Variants in DCC observed in about 807,000 individuals in gnomAD.
The protein encoded by DCC is netrin receptor DCC.
In DCC, 58 loss-of-function variants were observed where a neutral mutation model predicts 172.5. The observed-to-expected ratio is 0.34, with a 90% CI of 0.27 to 0.42. DCC has a LOEUF of 0.42. Ranked by LOEUF, DCC falls within the 10% of genes least tolerant of loss-of-function variation. DCC has a pLI of 1.00. For missense variants in DCC, 1,740 were observed against 1,791.0 expected (o/e 0.97, Z 0.51); for synonymous variants, 709 against 644.5 (o/e 1.10, Z -1.52).
intron 1 of DCC, among the ~76,000 whole-genome samples, chr18:52,723,542 G>A (rs961122163): frequency 3.3e-5 from 5 of 152,112 alleles, no homozygotes; most frequent in African/African-American, 4.8e-5. Context: ...CATTCCCAAA[G>A]GGACACGAAC....
intron 7 of DCC, among the ~76,000 whole-genome samples, chr18:53,122,050 T>C (rs1225635651): frequency 6.6e-6 from 1 of 152,042 alleles, no homozygotes; most frequent in Non-Finnish European, 1.5e-5. Context: ...AAGTTATAAG[T>C]GAATTTATTC....
intron 7 of DCC, among the ~76,000 whole-genome samples, chr18:53,115,995 TC>T (rs2043403851): frequency 6.6e-6 from 1 of 151,482 alleles, no homozygotes; most frequent in Admixed American, 6.6e-5. Flanking sequence ...GGGGAATGGT[TC>T]AAAGTAGATT....
chr18:52,410,955 C>A (rs534200385), intron 1 of DCC, among the ~76,000 whole-genome samples: 1 of 152,200 alleles, frequency 6.6e-6, no homozygotes, highest in African/African-American at 2.4e-5. Context: ...ACTTAAAGCA[C>A]CTGACAACTA....
intron 1 of DCC, among the ~76,000 whole-genome samples, chr18:52,635,365 C>T (rs1270322373): frequency 6.6e-6 from 1 of 152,090 alleles, no homozygotes; most frequent in Non-Finnish European, 1.5e-5. Context: ...CAACAAGTGA[C>T]TGAAATAAAT....
chr18:52,837,568 C>G (rs2038728067), intron 2 of DCC, among the ~76,000 whole-genome samples: 1 of 152,124 alleles, frequency 6.6e-6, no homozygotes, highest in Non-Finnish European at 1.5e-5. Context: ...CTGAGATCAC[C>G]TCAGCTTGGA....
At chr18:52,906,745 A>C (rs144487641) in intron 3 of DCC, among the ~76,000 whole-genome samples, 1 of 151,874 alleles carries the variant, frequency 6.6e-6, no homozygotes, top group African/African-American at 2.4e-5. Flanking sequence ...TTAGTATTGA[A>C]CTATAGATAT....
intron 1 of DCC, among the ~76,000 whole-genome samples, chr18:52,496,652 G>A (rs1278137429): frequency 2.6e-5 from 4 of 152,070 alleles, no homozygotes; most frequent in Non-Finnish European, 4.4e-5. Flanking sequence ...GATGACATCT[G>A]TTAAGGAGAC....
intron 15 of DCC, among the ~76,000 whole-genome samples, chr18:53,343,252 T>C (rs117968264): frequency 6.6e-6 from 1 of 151,898 alleles, no homozygotes; most frequent in Non-Finnish European, 1.5e-5. Flanking sequence ...TGTCTGATCT[T>C]AGGAGAAAAA....
intron 1 of DCC, among the ~76,000 whole-genome samples, chr18:52,366,494 T>C (rs966862297): frequency 3.3e-5 from 5 of 152,166 alleles, no homozygotes; most frequent in Non-Finnish European, 7.3e-5. Flanking sequence ...TTACAATCCC[T>C]GAGCTAGATA....
intron 1 of DCC, among the ~76,000 whole-genome samples, chr18:52,639,547 T>G (rs1260940978): frequency 1.3e-5 from 2 of 151,950 alleles, no homozygotes; most frequent in African/African-American, 4.8e-5. Flanking sequence ...GCACATAAAC[T>G]AGAAAACCTA....
At chr18:52,686,415 G>T (rs2035836090) in intron 1 of DCC, among the ~76,000 whole-genome samples, 1 of 152,056 alleles carries the variant, frequency 6.6e-6, no homozygotes, top group Non-Finnish European at 1.5e-5. Context: ...TCCTAGTTTG[G>T]GGGCACTGCT....
chr18:52,914,136 A>G (rs941371548), intron 3 of DCC, among the ~76,000 whole-genome samples: 1 of 152,076 alleles, frequency 6.6e-6, no homozygotes, highest in Non-Finnish European at 1.5e-5. Flanking sequence ...TGGATTCTCC[A>G]AACTAACTTT....
At chr18:53,304,092 G>A (rs2057171915) in intron 12 of DCC, among the ~76,000 whole-genome samples, 1 of 152,064 alleles carries the variant, frequency 6.6e-6, no homozygotes, top group Non-Finnish European at 1.5e-5. Flanking sequence ...CTGCTCTTCT[G>A]TTCCTCTCCT....
intron 19 of DCC, among the ~76,000 whole-genome samples, chr18:53,404,255 G>T (rs1909508985): frequency 8.3e-6 from 1 of 119,866 alleles, no homozygotes; most frequent in African/African-American, 2.6e-5. Context: ...GGTTCTGATA[G>T]AAAAAGATGT....
At chr18:53,501,826 A>AT (rs1254909320) in intron 27 of DCC, among the ~76,000 whole-genome samples, 4 of 152,128 alleles carry the variant, frequency 2.6e-5, no homozygotes, top group South Asian at 4.2e-4. Context: ...AAAGGATACA[A>AT]TTTTTTTTAA....
At chr18:52,848,861 A>G (rs1199271524) in intron 2 of DCC, among the ~76,000 whole-genome samples, 1 of 152,204 alleles carries the variant, frequency 6.6e-6, no homozygotes, top group East Asian at 1.9e-4. Context: ...CTTGTTTGGC[A>G]ACTTAGTGTA....
rs774524265 is a variant in DCC, at chr18:53,450,335, T to C, written c.3230-165T>C. The stretch of plus-strand genomic sequence containing the variant: ...TAGGTTTTTATTTATATTGTGTAAA[T>C]AGGTGTTTCCTCTCATTTTTTCATT... On this transcript the variant is annotated intron_variant, in intron 22 of 28. Coordinates refer to ENST00000442544, the MANE Select transcript of DCC (RefSeq NM_005215.4). Among the ~76,000 whole-genome samples the C allele has an allele frequency of 8.5e-5, 13 of 152,260 alleles. No individual in the cohort carries two copies. The East Asian group carries it at 1.9e-3, about 23-fold the overall frequency.
At chr18:53,410,016 A>T (rs1268964047) in intron 19 of DCC, among the ~76,000 whole-genome samples, 1 of 152,178 alleles carries the variant, frequency 6.6e-6, no homozygotes, top group Non-Finnish European at 1.5e-5. Flanking sequence ...TTACACTTTA[A>T]ACATGTATAG....
intron 15 of DCC, among the ~76,000 whole-genome samples, chr18:53,358,530 CTTTTTTTTT>C (rs35093625): frequency 4.2e-5 from 4 of 95,920 alleles, no homozygotes; most frequent in African/African-American, 1.7e-4. Context: ...TTCTCTCTCT[CTTTTTTTTT>C]TTTTTTTTTT....
Sources: gnomAD v4.1 joint callset for allele counts (sites outside exome capture counted in the v4.1 genomes callset) on GRCh38, gnomAD v4.1.1 for gene constraint, MANE v1.5 for transcripts, NCBI Gene and HGNC (gene_info 2026-07-23, HGNC 2026-07-21) for gene names.